DDR2: variants seen among roughly 807,000 people sequenced by gnomAD.
The protein encoded by DDR2 is discoidin domain-containing receptor 2.
A neutral mutation model predicts 94.9 loss-of-function variants in DDR2; 27 were observed. The ratio of observed to expected loss-of-function variants is 0.28; its 90% CI spans 0.21 to 0.39. The LOEUF is 0.39. DDR2 is among the 10% of genes least tolerant of loss of function. The pLI is 1.00. For synonymous variants in DDR2, 382 were observed against 377.2 expected (o/e 1.01, Z -0.15); for missense variants, 783 against 1,076.0 (o/e 0.73, Z 3.81).
intron 2 of DDR2, among the ~76,000 whole-genome samples, chr1:162,689,574 A>T (rs1346779753): frequency 3.4e-5 from 5 of 147,414 alleles, no homozygotes; most frequent in East Asian, 4.0e-4. Context: ...GGTCTCACTT[A>T]TTTTTTTTTT....
intron 2 of DDR2, among the ~76,000 whole-genome samples, chr1:162,668,278 G>A (rs1658677592): frequency 1.3e-5 from 2 of 152,216 alleles, no homozygotes; most frequent in East Asian, 3.8e-4. Context: ...ATTCTTTGAT[G>A]TGAAAACCCT....
At position 162,776,350 on chromosome 1, in the gene DDR2, T is replaced by C; in HGVS notation, c.2263T>C (p.Ser755Pro). 4.3e-6 allele frequency: 7 copies of C among 1,614,080 alleles called. No individual in the cohort carries two copies. Among genetic ancestry groups the C allele is most frequent in the Non-Finnish European group, 5.9e-6 (7 of 1,179,946 alleles). ...GGCAGTGCTCCCTATCCGCTGGATG[T>C]CTTGGGAGAGTATCTTGCTGGTAAG... is the stretch of plus-strand genomic sequence containing the variant. The part of the protein sequence containing the change: ...GRAVLPIRWM[S>P]WESILLGKFT... The change falls in exon 16 of 18, where the codon TCT becomes CCT. Residue 755 changes from serine (S) to proline (P), a missense_variant. Around this residue, in one of 2 missense-constraint regions of DDR2, gnomAD observed 264 missense variants for 428.2 expected, o/e 0.62. Coordinates refer to ENST00000367921, the MANE Select transcript of DDR2 (RefSeq NM_006182.4).
At chr1:162,712,096 T>C (rs1226763837) in intron 2 of DDR2, among the ~76,000 whole-genome samples, 1 of 151,368 alleles carries the variant, frequency 6.6e-6, no homozygotes, top group Non-Finnish European at 1.5e-5. Flanking sequence ...CCCCATACCA[T>C]CCTATCTGAG....
At chr1:162,771,837 ATGT>A (rs1173288192) in intron 12 of DDR2, among the ~76,000 whole-genome samples, 184 bp from the exon 13 acceptor site, 1 of 152,254 alleles carries the variant, frequency 6.6e-6, no homozygotes, top group Non-Finnish European at 1.5e-5. Context: ...AAATAAAATG[ATGT>A]TCTACATTCT....
In DDR2 at chr1:162,675,216, C is replaced by T. The variant is rs143774877; in HGVS notation, c.-28+19842C>T. Among the ~76,000 whole-genome samples, 1,248 of 151,790 alleles carry T rather than the reference C, an allele frequency of 8.2e-3. 17 individuals carry two copies. Among genetic ancestry groups the T allele is most frequent in the African/African-American group, 0.029 (1,194 of 41,416 alleles). Reference sequence around the variant, plus strand: ...TTCAGAAAGTGCTTCCTAAGAGATTCCCATGGTCCAGGGATGATGCTGGAT... The same window carrying T: ...TTCAGAAAGTGCTTCCTAAGAGATTTCCATGGTCCAGGGATGATGCTGGAT... On this transcript the variant is annotated intron_variant, in intron 2 of 17. Coordinates refer to ENST00000367921, the MANE Select transcript of DDR2 (RefSeq NM_006182.4).
At chr1:162,710,074 G>C (rs1660828727) in intron 2 of DDR2, among the ~76,000 whole-genome samples, 1 of 152,110 alleles carries the variant, frequency 6.6e-6, no homozygotes, top group Non-Finnish European at 1.5e-5. Context: ...CCTGGAAGAG[G>C]GATGTTTTCT....
rs78702978 is a variant in DDR2, at chr1:162,742,405, G to A, written c.83-10690G>A. 8.6e-3 allele frequency among the ~76,000 whole-genome samples: 1,311 copies of A among 152,344 alleles called. 12 individuals are homozygous for A. Among genetic ancestry groups the A allele is most frequent in the Non-Finnish European group, 0.013 (908 of 68,036 alleles). ...AGGCCTCAGGGAGCTTATAATCATC[G>A]TGGACGGTGAAGTGGGAGCAGGCAT... On this transcript the variant is annotated intron_variant, in intron 3 of 17. Transcript: ENST00000367921.
At chr1:162,749,016 G>T (rs1663036025) in intron 3 of DDR2, among the ~76,000 whole-genome samples, 1 of 152,086 alleles carries the variant, frequency 6.6e-6, no homozygotes, top group South Asian at 2.1e-4. Context: ...GTGCATAGAG[G>T]GAAATTTATA....
rs16844060 is a variant in DDR2, at chr1:162,724,286, A to G, written c.82+5141A>G. On this transcript the variant is annotated intron_variant, in intron 3 of 17. Coordinates refer to ENST00000367921, the MANE Select transcript of DDR2 (RefSeq NM_006182.4). Reference sequence around the variant, plus strand: ...CTTTATCTAAAAATCACATATATCCATGCAGCCTCATGCTTTCCTTTCTGC... The same window carrying G: ...CTTTATCTAAAAATCACATATATCCGTGCAGCCTCATGCTTTCCTTTCTGC... 7.1e-3 allele frequency among the ~76,000 whole-genome samples: 1,077 copies of G among 152,278 alleles called. 14 individuals carry two copies. The highest frequency in any genetic ancestry group is 0.035 in the East Asian group (179 of 5,176).
intron 3 of DDR2, chr1:162,719,347 A>C (rs1661309131): frequency 1.5e-6 from 1 of 677,708 alleles, no homozygotes. Context: ...AACCTGTTGA[A>C]TATTGTAAAA....
intron 2 of DDR2, among the ~76,000 whole-genome samples, chr1:162,718,635 G>A (rs1245284858): frequency 6.6e-6 from 1 of 152,004 alleles, no homozygotes; most frequent in Non-Finnish European, 1.5e-5. Context: ...GTTTTGAAAG[G>A]CAAACATTAA....
intron 1 of DDR2, among the ~76,000 whole-genome samples, chr1:162,643,522 C>A (rs148857526): frequency 2.0e-5 from 3 of 152,118 alleles, no homozygotes; most frequent in African/African-American, 7.2e-5. Flanking sequence ...CGCTCTGTCA[C>A]CCAGGCTGGA....
At position 162,725,690 on chromosome 1, in the gene DDR2, C is replaced by T. The variant is rs187408303; in HGVS notation, c.82+6545C>T. On this transcript the variant is annotated intron_variant, in intron 3 of 17. Transcript: ENST00000367921. ...GCATGCTCTTGACCTCTGTGCTCTA[C>T]TGCCTTTGGAGTGTGAGACTCAAGG... Among the ~76,000 whole-genome samples the T allele has an allele frequency of 5.3e-5, 8 of 152,332 alleles. No individual in the cohort carries two copies. The East Asian group carries it at 1.5e-3, about 29-fold the overall frequency.
At chr1:162,708,653 T>C (rs1283971547) in intron 2 of DDR2, among the ~76,000 whole-genome samples, 3 of 152,220 alleles carry the variant, frequency 2.0e-5, no homozygotes, top group Admixed American at 2.0e-4. Flanking sequence ...AGGAAACTGC[T>C]TGGGTCTTTC....
intron 3 of DDR2, among the ~76,000 whole-genome samples, chr1:162,729,280 TTATATATA>T (rs1194740607): frequency 6.5e-4 from 45 of 69,738 alleles, no homozygotes; most frequent in East Asian, 2.6e-3. Flanking sequence ...GCATATCCAT[TTATATATA>T]TATATATATA....
intron 2 of DDR2, among the ~76,000 whole-genome samples, chr1:162,678,825 T>C (rs942340590): frequency 6.6e-6 from 1 of 152,220 alleles, no homozygotes; most frequent in African/African-American, 2.4e-5. Flanking sequence ...AGGCTGGACT[T>C]GGTGAGTGGC....
At chr1:162,761,131 A>G in intron 8 of DDR2, 80 bp from the exon 9 acceptor site, 1 of 1,599,124 alleles carries the variant, frequency 6.3e-7, no homozygotes, top group Non-Finnish European at 8.6e-7. Context: ...GTAGACGGCA[A>G]CTACTGAGTT....
chr1:162,701,073 GA>G (rs397738963), intron 2 of DDR2, among the ~76,000 whole-genome samples: 1,862 of 143,630 alleles, frequency 0.013, 29 homozygotes, highest in African/African-American at 0.036. Context: ...AAGAAGAACT[GA>G]AAAAAAAAAA....
chr1:162,680,387 G>C (rs1659344951), intron 2 of DDR2, among the ~76,000 whole-genome samples: 1 of 152,132 alleles, frequency 6.6e-6, no homozygotes, highest in Non-Finnish European at 1.5e-5. Context: ...TTATTGAATG[G>C]AGAGTCCTTT....
Sources: allele counts gnomAD v4.1 joint callset (sites outside exome capture counted in the v4.1 genomes callset), GRCh38; gene constraint gnomAD v4.1.1; regional missense constraint gnomAD v4.1.1; transcripts MANE v1.5; gene names NCBI Gene and HGNC (gene_info 2026-07-23, HGNC 2026-07-21).